The following KCNJ16 variants were observed in gnomAD, a reference collection of about 807,000 sequenced individuals.
The protein encoded by KCNJ16 is inward rectifier potassium channel 16.
A neutral mutation model predicts 18.5 loss-of-function variants in KCNJ16; 15 were observed. The observed-to-expected ratio is 0.81, with a 90% CI of 0.54 to 1.25. The LOEUF (loss-of-function observed/expected upper bound fraction) is 1.25, where lower values mean the gene tolerates loss of function less well. Ranked by LOEUF, KCNJ16 falls within the 50% of genes most tolerant of loss-of-function variation. The probability of loss-of-function intolerance (pLI) is 0.00; values close to 1 mark genes in which losing one functional copy is unlikely to be tolerated. For synonymous variants in KCNJ16, 174 were observed against 186.5 expected (o/e 0.93, Z 0.55); for missense variants, 523 against 525.7 (o/e 0.99, Z 0.05).
intron 2 of KCNJ16, among the ~76,000 whole-genome samples, chr17:70,121,196 G>T (rs1191593266): frequency 6.6e-6 from 1 of 152,168 alleles, no homozygotes; most frequent in Admixed American, 6.5e-5. Context: ...CTGTCCCTAG[G>T]CAGATAAGAG....
intron 1 of KCNJ16, among the ~76,000 whole-genome samples, chr17:70,085,184 A>G (rs2143617453): frequency 6.6e-6 from 1 of 152,342 alleles, no homozygotes. Flanking sequence ...ACCATATACC[A>G]CTACATGGAG....
intron 1 of KCNJ16, among the ~76,000 whole-genome samples, chr17:70,082,924 A>C (rs1310090362): frequency 1.3e-5 from 2 of 152,106 alleles, no homozygotes; most frequent in Admixed American, 6.6e-5. Context: ...TAAAGTAAGT[A>C]ATTCTCCACC....
At chr17:70,112,042 T>C (rs1351909683) in intron 2 of KCNJ16, among the ~76,000 whole-genome samples, 1 of 152,130 alleles carries the variant, frequency 6.6e-6, no homozygotes, top group Non-Finnish European at 1.5e-5. Context: ...TACATCAGAG[T>C]GGTCCTGCTC....
chr17:70,079,388 G>T (rs991501486), intron 1 of KCNJ16, among the ~76,000 whole-genome samples: 2 of 152,180 alleles, frequency 1.3e-5, no homozygotes, highest in African/African-American at 4.8e-5. Context: ...GATGAGAAAT[G>T]TTCCTCACAT....
chr17:70,128,029 T>C (rs1170478043), intron 2 of KCNJ16: 1 of 152,248 alleles, frequency 6.6e-6, no homozygotes, highest in South Asian at 2.1e-4. Context: ...ACCCTCGGCA[T>C]GAGCTTACCT....
intron 1 of KCNJ16, among the ~76,000 whole-genome samples, chr17:70,100,178 T>C (rs1401362200): frequency 1.3e-5 from 2 of 152,214 alleles, no homozygotes; most frequent in African/African-American, 4.8e-5. Flanking sequence ...GCTGAGGCTG[T>C]ACAGAACAAC....
Position 70,132,491 on chromosome 17 carries a change from G to T in KCNJ16, c.404G>T (p.Gly135Val). Residue 135 changes from glycine to valine, a missense_variant, in exon 4 of 4, where the codon GGT (glycine) becomes GTT (valine). Physicochemically the swap from Gly to Val is moderately radical, Grantham distance 109. Coordinates refer to ENST00000392671, the MANE Select transcript of KCNJ16 (RefSeq NM_170741.4). ...SLETQTTIGY[G>V]YRCVTEECSV... ...GAGACCCAAACCACCATAGGATATG[G>T]TTATCGCTGTGTTACTGAAGAATGT... 1 of 1,614,132 alleles carries T rather than the reference G, an allele frequency of 6.2e-7. No individual in the cohort carries two copies. Among genetic ancestry groups the T allele is most frequent in the South Asian group, 1.1e-5 (1 of 91,082 alleles).
At chr17:70,106,423 A>G (rs1289237197) in intron 2 of KCNJ16, among the ~76,000 whole-genome samples, 2 of 152,244 alleles carry the variant, frequency 1.3e-5, no homozygotes, top group Non-Finnish European at 2.9e-5. Context: ...AGGAGCACAG[A>G]GTAAATGGAG....
chr17:70,134,321 G>A lies in KCNJ16; in HGVS notation c.*977G>A. ...CCTTTTTGGGGGGAGGGTGGGGAGG[G>A]AGATATTTATTTGTGCCCAGAAGCA... On this transcript the variant is annotated 3_prime_UTR_variant, in exon 4 of 4. Coordinates refer to ENST00000392671, the MANE Select transcript of KCNJ16 (RefSeq NM_170741.4). 6.0e-6 allele frequency: 1 copy of A among 165,468 alleles called. No individual in the cohort carries two copies. 10.2% of individuals were successfully genotyped at this position (165,468 alleles called of 1,614,324 possible).
At chr17:70,078,112 AT>A (rs945093869) in intron 1 of KCNJ16, among the ~76,000 whole-genome samples, 5 of 152,044 alleles carry the variant, frequency 3.3e-5, no homozygotes, top group African/African-American at 1.2e-4. Context: ...ATAGGATCAG[AT>A]TTTTTTCCTC....
chr17:70,121,682 C>T (rs1267652374), intron 2 of KCNJ16, among the ~76,000 whole-genome samples: 3 of 152,082 alleles, frequency 2.0e-5, no homozygotes, highest in Admixed American at 6.5e-5. Flanking sequence ...GTAATCCGAG[C>T]ACTTTGGGAG....
At chr17:70,081,043 T>C (rs1487341075) in intron 1 of KCNJ16, among the ~76,000 whole-genome samples, 1 of 152,212 alleles carries the variant, frequency 6.6e-6, no homozygotes, top group African/African-American at 2.4e-5. Context: ...TAATATGTTA[T>C]TGAGTTCTAT....
intron 2 of KCNJ16, among the ~76,000 whole-genome samples, chr17:70,123,545 CTA>C (rs1226095800): frequency 6.6e-6 from 1 of 152,148 alleles, no homozygotes; most frequent in Non-Finnish European, 1.5e-5. Flanking sequence ...ATAAGGATGA[CTA>C]TAAATAAAAG....
At chr17:70,126,942 C>A (rs1437931914) in intron 2 of KCNJ16, among the ~76,000 whole-genome samples, 1 of 151,836 alleles carries the variant, frequency 6.6e-6, no homozygotes, top group East Asian at 1.9e-4. Context: ...AAAAACTGGG[C>A]TAGAAACAGG....
At chr17:70,118,405 T>C (rs1046853112) in intron 2 of KCNJ16, among the ~76,000 whole-genome samples, 2 of 151,612 alleles carry the variant, frequency 1.3e-5, no homozygotes, top group African/African-American at 4.9e-5. Flanking sequence ...ACTTAATGTA[T>C]CATTTAAAAA....
intron 1 of KCNJ16, among the ~76,000 whole-genome samples, chr17:70,093,134 A>G (rs1017794288): frequency 6.6e-6 from 1 of 152,264 alleles, no homozygotes; most frequent in Admixed American, 6.5e-5. Flanking sequence ...GAAAATCTGA[A>G]AAAGGTGAAA....
At chr17:70,096,861 A>C (rs779046102) in intron 1 of KCNJ16, 2 of 398,110 alleles carry the variant, frequency 5.0e-6, no homozygotes, top group East Asian at 3.6e-5. Context: ...TTTTGGATAT[A>C]AACTTTATTG....
chr17:70,123,383 T>C (rs2073727060), intron 2 of KCNJ16, among the ~76,000 whole-genome samples: 1 of 152,230 alleles, frequency 6.6e-6, no homozygotes, highest in African/African-American at 2.4e-5. Flanking sequence ...AAATATTGTT[T>C]TCTCTGCCTG....
intron 2 of KCNJ16, among the ~76,000 whole-genome samples, chr17:70,107,175 G>T (rs1478592284): frequency 6.6e-6 from 1 of 152,192 alleles, no homozygotes; most frequent in African/African-American, 2.4e-5. Context: ...TAAAATAACT[G>T]CTCTGAGTTC....
Sources: allele counts gnomAD v4.1 joint callset (sites outside exome capture counted in the v4.1 genomes callset), GRCh38; gene constraint gnomAD v4.1.1; transcripts MANE v1.5; gene names NCBI Gene and HGNC (gene_info 2026-07-23, HGNC 2026-07-21).